STAM: variants seen among roughly 807,000 people sequenced by gnomAD.
The protein encoded by STAM is signal transducing adapter molecule 1.
STAM carries 16 observed loss-of-function variants against 63.4 expected under a neutral mutation model. That is an observed-to-expected ratio of 0.25 (90% CI 0.17 to 0.38). STAM has a LOEUF of 0.38. Among genes scored for constraint, STAM ranks in the 10% least tolerant of loss-of-function variants. The pLI, the probability that STAM is intolerant of heterozygous loss-of-function variation, is 1.00. For synonymous variants in STAM, 238 were observed against 223.9 expected (o/e 1.06, Z -0.56); for missense variants, 636 against 657.1 (o/e 0.97, Z 0.35).
intron 2 of STAM, among the ~76,000 whole-genome samples, chr10:17,672,084 T>A (rs1416755865): frequency 2.6e-5 from 4 of 152,166 alleles, no homozygotes; most frequent in Non-Finnish European, 5.9e-5. Context: ...GCATAGGATG[T>A]CACAAATCTT....
intron 2 of STAM, among the ~76,000 whole-genome samples, chr10:17,673,423 G>T (rs1191656579): frequency 6.6e-6 from 1 of 151,932 alleles, no homozygotes; most frequent in African/African-American, 2.4e-5. Flanking sequence ...ACTTTTTTTT[G>T]AGCATCAGCC....
At chr10:17,689,143 C>A (rs540220659) in intron 5 of STAM, among the ~76,000 whole-genome samples, 54 of 152,320 alleles carry the variant, frequency 3.5e-4, no homozygotes, top group Admixed American at 2.0e-3. Context: ...CAAGAAATGT[C>A]TTTTTTATTC....
chr10:17,698,793 G>A (rs533756061), intron 8 of STAM, among the ~76,000 whole-genome samples: 19 of 152,196 alleles, frequency 1.2e-4, no homozygotes, highest in African/African-American at 3.6e-4. Flanking sequence ...GCAAACTTGC[G>A]CGTCAAGAGC....
At chr10:17,682,675 A>T (rs1835133879) in intron 2 of STAM, among the ~76,000 whole-genome samples, 1 of 152,096 alleles carries the variant, frequency 6.6e-6, no homozygotes, top group African/African-American at 2.4e-5. Context: ...AATGTAGTCC[A>T]TTTTGTTGAA....
At chr10:17,691,450 G>A (rs1835530437) in intron 5 of STAM, among the ~76,000 whole-genome samples, 2 of 152,112 alleles carry the variant, frequency 1.3e-5, no homozygotes, top group African/African-American at 4.8e-5. Flanking sequence ...CCCGGGAGGC[G>A]GAGCTTGCAG....
chr10:17,648,416 GGGCACC>G (rs1833602906), intron 1 of STAM, among the ~76,000 whole-genome samples: 1 of 152,160 alleles, frequency 6.6e-6, no homozygotes, highest in Admixed American at 6.5e-5. Flanking sequence ...AATAAAAGCT[GGGCACC>G]CTAGCCAGCA....
intron 13 of STAM, among the ~76,000 whole-genome samples, chr10:17,711,789 G>A (rs532331709): frequency 6.6e-6 from 1 of 152,332 alleles, no homozygotes; most frequent in Middle Eastern, 3.4e-3. Flanking sequence ...CAAGGTCGAA[G>A]AATGCTTGTT....
rs1243170144 is a variant in STAM, at chr10:17,708,942, C to G, written c.1376C>G (p.Ala459Gly). The change falls in exon 13 of 14, where the codon GCT becomes GGT. Residue 459 changes from alanine to glycine, a missense_variant. Transcript: ENST00000377524. ...CTTCCTAGTCAGCAGACTCAGGCCGCTTACCCAAAGTAATTTTACTGTTGA... is the reference window on the plus strand; with the variant it reads ...CTTCCTAGTCAGCAGACTCAGGCCGGTTACCCAAAGTAATTTTACTGTTGA... ...PALPSQQTQA[A>G]YPNTMVSSVQ... is the part of the protein sequence containing the mutation. 1 of 1,613,486 alleles carries G rather than the reference C, an allele frequency of 6.2e-7. No homozygotes were observed. The highest frequency in any genetic ancestry group is 8.5e-7 in the Non-Finnish European group (1 of 1,179,666).
At chr10:17,653,580 C>T (rs1269494315) in intron 1 of STAM, among the ~76,000 whole-genome samples, 3 of 152,136 alleles carry the variant, frequency 2.0e-5, no homozygotes, top group African/African-American at 7.2e-5. Context: ...TTCATGGATT[C>T]AAACAACAGT....
rs199769248 is a variant in STAM at position 17,646,279 on chromosome 10, T to C, written c.40+1900T>C. Among the ~76,000 whole-genome samples the C allele has an allele frequency of 2.6e-5, 4 of 152,224 alleles. No homozygotes were observed. The East Asian group carries it at 7.7e-4, about 29-fold the overall frequency. ...GTGCAATGTAGGGTGTTCAGCCTTA[T>C]CCCTGGCCTTTATCCACTAGATGCC... On this transcript the variant is annotated intron_variant, in intron 1 of 13. Transcript: ENST00000377524.
intron 6 of STAM, among the ~76,000 whole-genome samples, chr10:17,694,117 A>G (rs1835658085): frequency 6.6e-6 from 1 of 152,156 alleles, no homozygotes; most frequent in African/African-American, 2.4e-5. Context: ...TAAATAAAAT[A>G]ATGATATGTA....
intron 5 of STAM, 78 bp downstream of exon 5, chr10:17,688,251 C>A (rs1835376630): frequency 3.0e-6 from 4 of 1,335,230 alleles, no homozygotes; most frequent in Non-Finnish European, 3.9e-6. Flanking sequence ...TTTTTTTCTT[C>A]ATTCCCAGGT....
intron 2 of STAM, among the ~76,000 whole-genome samples, chr10:17,673,259 A>G (rs1179087875): frequency 1.3e-5 from 2 of 152,206 alleles, no homozygotes; most frequent in African/African-American, 2.4e-5. Context: ...TCTATTAACT[A>G]CATTTTATGA....
chr10:17,698,871 C>A (rs1782824363), intron 8 of STAM, among the ~76,000 whole-genome samples: 1 of 152,154 alleles, frequency 6.6e-6, no homozygotes, highest in African/African-American at 2.4e-5. Context: ...TCCCAGCTTT[C>A]TACTTGTAAT....
intron 1 of STAM, 39 bp downstream of exon 1, chr10:17,644,418 A>C (rs1197405755): frequency 1.2e-6 from 2 of 1,612,840 alleles, no homozygotes; most frequent in South Asian, 1.1e-5. Flanking sequence ...TCCTCACCGG[A>C]CTGCACGCTC....
chr10:17,666,550 A>G (rs1834391819), intron 2 of STAM, among the ~76,000 whole-genome samples: 1 of 151,888 alleles, frequency 6.6e-6, no homozygotes, highest in South Asian at 2.1e-4. Context: ...ACCCGCCACC[A>G]TGCCCAGCTA....
intron 5 of STAM, among the ~76,000 whole-genome samples, chr10:17,690,413 A>G (rs1260949657): frequency 6.6e-6 from 1 of 152,244 alleles, no homozygotes; most frequent in Non-Finnish European, 1.5e-5. Flanking sequence ...GTTATAAAGT[A>G]TGTAACAGCT....
chr10:17,686,667 G>A (rs782550685), intron 4 of STAM, among the ~76,000 whole-genome samples: 1 of 152,116 alleles, frequency 6.6e-6, no homozygotes, highest in Admixed American at 6.5e-5. Context: ...ATGAGCCACC[G>A]CGCCCAGCCA....
At chr10:17,681,175 T>A (rs1284604207) in intron 2 of STAM, among the ~76,000 whole-genome samples, 2 of 150,908 alleles carry the variant, frequency 1.3e-5, no homozygotes, top group Admixed American at 6.6e-5. Flanking sequence ...TCCTGATGGG[T>A]GTGAGGTGGT....
Sources: allele counts gnomAD v4.1 joint callset (sites outside exome capture counted in the v4.1 genomes callset), GRCh38; gene constraint gnomAD v4.1.1; transcripts MANE v1.5; gene names NCBI Gene and HGNC (gene_info 2026-07-23, HGNC 2026-07-21).